FRMPD4: variants seen among roughly 807,000 people sequenced by gnomAD.
The protein encoded by FRMPD4 is FERM and PDZ domain containing 4.
FRMPD4 carries 22 observed loss-of-function variants against 94.1 expected under a neutral mutation model. The ratio of observed to expected loss-of-function variants is 0.23; its 90% CI spans 0.17 to 0.33. The LOEUF (loss-of-function observed/expected upper bound fraction) is 0.33, where lower values mean the gene tolerates loss of function less well. FRMPD4 is among the 10% of genes least tolerant of loss of function. The pLI is 1.00. For synonymous variants in FRMPD4, 631 were observed against 548.6 expected (o/e 1.15, Z -2.10); for missense variants, 1,111 against 1,339.9 (o/e 0.83, Z 2.67).
intron 3 of FRMPD4, among the ~76,000 whole-genome samples, chrX:12,613,814 A>G (rs1190936064): frequency 1.8e-5 from 2 of 111,945 alleles, no homozygotes; most frequent in Non-Finnish European, 3.8e-5. Context: ...CGTCTCTACT[A>G]AAAATACAAA....
At chrX:12,168,252 A>C (rs1374114164) in intron 1 of FRMPD4, among the ~76,000 whole-genome samples, 1 of 110,727 alleles carries the variant, frequency 9.0e-6, no homozygotes, top group Non-Finnish European at 1.9e-5. Flanking sequence ...CCATAATTTC[A>C]CTGGACTGGG....
At chrX:12,563,559 A>T (rs1290121628) in intron 2 of FRMPD4, among the ~76,000 whole-genome samples, 4 of 112,374 alleles carry the variant, frequency 3.6e-5, no homozygotes, top group Non-Finnish European at 7.5e-5. Context: ...GTAGGACTTT[A>T]TATTACTGCC....
intron 1 of FRMPD4, among the ~76,000 whole-genome samples, chrX:12,349,093 C>A (rs773087143): frequency 9.0e-6 from 1 of 111,109 alleles, no homozygotes; most frequent in Non-Finnish European, 1.9e-5. Flanking sequence ...TCTCTGTCCC[C>A]CCTGGAGACC....
At chrX:12,562,189 G>T (rs2148348022) in intron 2 of FRMPD4, among the ~76,000 whole-genome samples, 1 of 112,545 alleles carries the variant, frequency 8.9e-6, no homozygotes, top group South Asian at 3.7e-4. Context: ...GCCTGAGGTG[G>T]GTTGGGTATT....
intron 2 of FRMPD4, among the ~76,000 whole-genome samples, chrX:12,541,663 AAGAAGGAGCTGGTACC>A (rs772110945): frequency 3.2e-4 from 36 of 112,160 alleles, no homozygotes; most frequent in South Asian, 2.6e-3. Flanking sequence ...CCAGAGGTAC[AAGAAGGAGCTGGTACC>A]ATTCCTTCTG....
intron 1 of FRMPD4, among the ~76,000 whole-genome samples, chrX:12,436,912 A>AAATT (rs1208192772): frequency 8.9e-6 from 1 of 111,801 alleles, no homozygotes; most frequent in Non-Finnish European, 1.9e-5. Context: ...TAGATCTTTA[A>AAATT]AATTAAGAGA....
intron 1 of FRMPD4, among the ~76,000 whole-genome samples, chrX:12,400,933 G>A (rs767350466): frequency 9.8e-5 from 11 of 111,835 alleles, no homozygotes; most frequent in African/African-American, 2.3e-4. Context: ...CTCGTGTTTC[G>A]TTGGAGAATG....
At chrX:12,555,485 A>C (rs753342292) in intron 2 of FRMPD4, among the ~76,000 whole-genome samples, 69 of 112,503 alleles carry the variant, frequency 6.1e-4, no homozygotes, top group African/African-American at 2.2e-3. Context: ...GATACATCAC[A>C]AAAATATATT....
intron 3 of FRMPD4, among the ~76,000 whole-genome samples, chrX:11,960,780 T>C (rs1342251496): frequency 8.9e-6 from 1 of 112,101 alleles, no homozygotes; most frequent in African/African-American, 3.2e-5. Context: ...AGCAACCTGG[T>C]TCTATTCATT....
intron 1 of FRMPD4, among the ~76,000 whole-genome samples, chrX:12,236,486 C>T (rs2057072120): frequency 9.0e-6 from 1 of 111,548 alleles, no homozygotes; most frequent in Non-Finnish European, 1.9e-5. Flanking sequence ...ATCATTACTA[C>T]TTTCACAGTA....
chrX:12,476,485 G>A (rs1417691734), intron 1 of FRMPD4, among the ~76,000 whole-genome samples: 1 of 110,783 alleles, frequency 9.0e-6, no homozygotes, highest in African/African-American at 3.3e-5. Flanking sequence ...AAACTAAAGA[G>A]CTTCTGCACA....
At chrX:12,416,148 T>G (rs1036758961) in intron 1 of FRMPD4, among the ~76,000 whole-genome samples, 4 of 111,268 alleles carry the variant, frequency 3.6e-5, no homozygotes, top group Non-Finnish European at 7.6e-5. Context: ...TTCTCTATTT[T>G]ATGTTTCTTT....
intron 3 of FRMPD4, among the ~76,000 whole-genome samples, chrX:11,917,625 G>A (rs775422835): frequency 8.9e-6 from 1 of 111,923 alleles, no homozygotes; most frequent in African/African-American, 3.2e-5. Context: ...TATCCTAAGT[G>A]AATTAACACA....
In FRMPD4 at chrX:12,532,262, G is replaced by T. The variant is rs149669229; in HGVS notation, c.158+33466G>T. Among the ~76,000 whole-genome samples, 589 of 111,728 alleles carry T rather than the reference G, an allele frequency of 5.3e-3. 7 individuals are homozygous for T. Among genetic ancestry groups the T allele is most frequent in the African/African-American group, 0.017 (528 of 30,759 alleles). ...GTAAAATAGTACATTAAATTTAGAT[G>T]ATCTCTATGGTCTTTTAAAATTAAT... On this transcript the variant is annotated intron_variant, in intron 2 of 16. Coordinates refer to ENST00000675598, the MANE Select transcript of FRMPD4 (RefSeq NM_001368397.1).
chrX:11,829,024 C>A (rs1210838536), intron 1 of FRMPD4, among the ~76,000 whole-genome samples: 1 of 112,311 alleles, frequency 8.9e-6, no homozygotes, highest in African/African-American at 3.2e-5. Flanking sequence ...AACTTGAAGG[C>A]AGCCAGGCAG....
intron 3 of FRMPD4, among the ~76,000 whole-genome samples, chrX:12,107,255 C>T (rs952887093): frequency 1.8e-5 from 2 of 112,116 alleles, no homozygotes; most frequent in Non-Finnish European, 3.8e-5. Flanking sequence ...ATTCACTGTT[C>T]TGCAGCCTCC....
At chrX:12,123,282 C>T (rs776233248) in intron 3 of FRMPD4, among the ~76,000 whole-genome samples, 17 of 110,709 alleles carry the variant, frequency 1.5e-4, no homozygotes, top group East Asian at 2.8e-4. Flanking sequence ...GGATTACAGG[C>T]GTGTGCCAGT....
intron 5 of FRMPD4, among the ~76,000 whole-genome samples, chrX:12,675,379 TA>T (rs1197601402): frequency 9.2e-6 from 1 of 108,552 alleles, no homozygotes; most frequent in Non-Finnish European, 1.9e-5. Flanking sequence ...CTATCATGGT[TA>T]GGAGGGTGGA....
At chrX:12,040,661 G>C (rs367685981) in intron 3 of FRMPD4, among the ~76,000 whole-genome samples, 127 of 100,991 alleles carry the variant, frequency 1.3e-3, no homozygotes, top group African/African-American at 4.5e-3. Context: ...CCAAGTAGCT[G>C]GGACTACAGG....
Sources: allele counts gnomAD v4.1 joint callset (sites outside exome capture counted in the v4.1 genomes callset), GRCh38; gene constraint gnomAD v4.1.1; transcripts MANE v1.5; gene names NCBI Gene and HGNC (gene_info 2026-07-23, HGNC 2026-07-21).